FMN1: variants seen among roughly 807,000 people sequenced by gnomAD.
The protein encoded by FMN1 is formin-1.
Under a neutral mutation model 132.4 loss-of-function variants are expected in FMN1, and 110 were observed. That is an observed-to-expected ratio of 0.83 (90% CI 0.71 to 0.97). FMN1 has a LOEUF of 0.97. FMN1 is among the 50% of genes least tolerant of loss of function. The pLI, the probability that FMN1 is intolerant of heterozygous loss-of-function variation, is 0.00. For missense variants in FMN1, 1,792 were observed against 1,705.3 expected, an observed-to-expected ratio of 1.05 and a Z score of -0.90; for synonymous variants, 722 against 651.7, an observed-to-expected ratio of 1.11 and a Z score of -1.64.
intron 8 of FMN1, among the ~76,000 whole-genome samples, chr15:32,966,057 G>A (rs146895986): frequency 5.9e-5 from 9 of 152,242 alleles, no homozygotes; most frequent in South Asian, 2.1e-4. Context: ...CATGTTAAGG[G>A]CCACTGGTCT....
chr15:32,899,208 G>T (rs2060233867), intron 14 of FMN1, among the ~76,000 whole-genome samples: 1 of 152,152 alleles, frequency 6.6e-6, no homozygotes, highest in African/African-American at 2.4e-5. Context: ...GGAGGTGCGG[G>T]GAATGCTAAA....
intron 4 of FMN1, among the ~76,000 whole-genome samples, chr15:33,144,497 C>T (rs921127460): frequency 2.6e-5 from 4 of 151,830 alleles, no homozygotes; most frequent in Admixed American, 2.6e-4. Flanking sequence ...ATTAGCCGGG[C>T]GTGGTGGCAG....
chr15:32,981,545 T>TAA (rs33914714), intron 7 of FMN1, among the ~76,000 whole-genome samples: 2,724 of 134,760 alleles, frequency 0.02, 52 homozygotes, highest in African/African-American at 0.054. Flanking sequence ...ATAATAATAA[T>TAA]TATTATTATT....
At position 32,831,473 on chromosome 15, in the gene FMN1, C is replaced by T. The variant is rs2141161467; in HGVS notation, c.3928+25542G>A. Among the ~76,000 whole-genome samples the T allele has an allele frequency of 2.6e-5, 4 of 152,170 alleles. No individual in the cohort carries two copies. In the South Asian group the frequency reaches 8.3e-4, roughly 32 times the overall value. On this transcript the variant is annotated intron_variant, in intron 17 of 20. Coordinates refer to ENST00000616417, the MANE Select transcript of FMN1 (RefSeq NM_001277313.2). ...AGTTTTGAAGGGTATTTGCTGCTTG[C>T]CTAGAACACGGGAAGTGGAGCTGGC...
At chr15:32,785,180 G>A (rs2056817686) in intron 19 of FMN1, among the ~76,000 whole-genome samples, 2 of 37,698 alleles carry the variant, frequency 5.3e-5, no homozygotes, top group South Asian at 1.2e-3. Context: ...GTGTGTGTGT[G>A]TGTGTGTGTG....
chr15:32,796,171 A>G (rs1027894651), intron 19 of FMN1, among the ~76,000 whole-genome samples: 1 of 152,264 alleles, frequency 6.6e-6, no homozygotes, highest in South Asian at 2.1e-4. Context: ...CTAAGCAGGA[A>G]AAGTAAATAT....
intron 6 of FMN1, among the ~76,000 whole-genome samples, chr15:33,045,344 C>T (rs180809987): frequency 2.2e-3 from 336 of 152,266 alleles, no homozygotes; most frequent in African/African-American, 7.8e-3. Context: ...TAGCACCTCC[C>T]GAGGGCAGCC....
chr15:32,980,321 C>A (rs1264940467), intron 7 of FMN1, among the ~76,000 whole-genome samples: 30 of 146,774 alleles, frequency 2.0e-4, no homozygotes, highest in Middle Eastern at 3.5e-3. Flanking sequence ...AAAAAAAAAA[C>A]AAAAACCTAA....
At chr15:32,997,867 G>C (rs1052349926) in intron 7 of FMN1, among the ~76,000 whole-genome samples, 2 of 152,054 alleles carry the variant, frequency 1.3e-5, no homozygotes, top group Non-Finnish European at 2.9e-5. Flanking sequence ...GGGCAAGAGG[G>C]AAAGAAAAGG....
intron 17 of FMN1, among the ~76,000 whole-genome samples, chr15:32,821,746 G>A (rs1035785984): frequency 1.3e-5 from 2 of 151,842 alleles, no homozygotes; most frequent in African/African-American, 4.8e-5. Flanking sequence ...CACCACATCC[G>A]GCTAATACTT....
At chr15:32,829,056 G>A (rs984071757) in intron 17 of FMN1, among the ~76,000 whole-genome samples, 9 of 152,186 alleles carry the variant, frequency 5.9e-5, no homozygotes, top group Non-Finnish European at 1.0e-4. Flanking sequence ...TTTACTTGGA[G>A]CAAGAGGCAG....
chr15:32,783,000 G>C (rs1257566954), intron 19 of FMN1, among the ~76,000 whole-genome samples: 1 of 44 alleles, frequency 0.023, no homozygotes, highest in Non-Finnish European at 0.042. Context: ...GGGGTGGGGA[G>C]AGTGGGGAAG....
chr15:32,936,942 A>C (rs986799038), intron 9 of FMN1, among the ~76,000 whole-genome samples: 2 of 152,170 alleles, frequency 1.3e-5, no homozygotes, highest in South Asian at 2.1e-4. Context: ...TGTTCTCAGC[A>C]GTCTCCAGGC....
chr15:33,193,066 G>A (rs1966133796), intron 2 of FMN1, among the ~76,000 whole-genome samples: 1 of 152,094 alleles, frequency 6.6e-6, no homozygotes. Context: ...TCCCTCCATT[G>A]AGGCCATTGC....
intron 6 of FMN1, among the ~76,000 whole-genome samples, chr15:33,016,393 T>C (rs950057017): frequency 1.3e-5 from 2 of 152,200 alleles, no homozygotes; most frequent in African/African-American, 4.8e-5. Flanking sequence ...AATAAGCTTA[T>C]GAAACCAAAG....
chr15:33,070,742 T>A (rs1385172039), intron 5 of FMN1, among the ~76,000 whole-genome samples: 1 of 152,190 alleles, frequency 6.6e-6, no homozygotes, highest in Non-Finnish European at 1.5e-5. Context: ...TTAACACAGC[T>A]AGTAAGTGGG....
chr15:32,957,895 G>T (rs941116514), intron 9 of FMN1, among the ~76,000 whole-genome samples: 3 of 152,128 alleles, frequency 2.0e-5, no homozygotes, highest in Non-Finnish European at 4.4e-5. Context: ...TTGACAGCTG[G>T]TATCTTGAGC....
chr15:33,037,599 C>T (rs1433464223), intron 6 of FMN1, among the ~76,000 whole-genome samples: 1 of 152,160 alleles, frequency 6.6e-6, no homozygotes, highest in Non-Finnish European at 1.5e-5. Context: ...TTGCCATGAC[C>T]TGGGGAAAGA....
chr15:32,958,268 A>G (rs1295458926), intron 9 of FMN1, among the ~76,000 whole-genome samples: 1 of 152,316 alleles, frequency 6.6e-6, no homozygotes, highest in East Asian at 1.9e-4. Context: ...TCTCATTCAT[A>G]AACTTCAAAT....
Sources: gnomAD v4.1 joint callset for allele counts (sites outside exome capture counted in the v4.1 genomes callset) on GRCh38, gnomAD v4.1.1 for gene constraint, MANE v1.5 for transcripts, NCBI Gene and HGNC (gene_info 2026-07-23, HGNC 2026-07-21) for gene names.